AQP7: variants seen among roughly 807,000 people sequenced by gnomAD.
AQP7 encodes the protein aquaporin 7.
Under a neutral mutation model 26.1 loss-of-function variants are expected in AQP7, and 22 were observed. The observed-to-expected ratio is 0.84, with a 90% confidence interval of 0.60 to 1.20. AQP7 has a LOEUF of 1.20. AQP7 is among the 50% of genes most tolerant of loss of function. The pLI is 0.00. For missense variants in AQP7, 412 were observed against 457.5 expected, an observed-to-expected ratio of 0.90 and a Z score of 0.91; for synonymous variants, 167 against 181.7, an observed-to-expected ratio of 0.92 and a Z score of 0.65.
intron 3 of AQP7, among the ~76,000 whole-genome samples, chr9:33,389,361 G>A (rs1825169067): frequency 6.6e-6 from 1 of 152,020 alleles, no homozygotes; most frequent in South Asian, 2.1e-4. Flanking sequence ...TTTGTGTAGA[G>A]ATGAGGTTTC....
chr9:33,390,511 G>A (rs1293683016), intron 3 of AQP7, among the ~76,000 whole-genome samples: 2 of 152,094 alleles, frequency 1.3e-5, no homozygotes, highest in African/African-American at 2.4e-5. Context: ...CAGCTTTGGG[G>A]AAGTCTGAGA....
At chr9:33,398,439 G>A (rs1463557790) in intron 2 of AQP7, among the ~76,000 whole-genome samples, 3 of 152,150 alleles carry the variant, frequency 2.0e-5, no homozygotes, top group Non-Finnish European at 4.4e-5. Flanking sequence ...GAGGCAGGGT[G>A]AGCATCAGCT....
rs1181251066 is a variant in AQP7, at chr9:33,386,484, C to T, written c.326G>A (p.Trp109Ter). The T allele has an allele frequency of 1.2e-6, 2 of 1,612,380 alleles. No homozygotes were observed. Among genetic ancestry groups the T allele is most frequent in the East Asian group, 4.5e-5 (2 of 44,858 alleles). The change falls in exon 5 of 8, where the codon TGG becomes TAG. Residue 109 changes from tryptophan (W) to a stop codon, truncating the protein, a stop_gained. Transcript: ENST00000297988. LOFTEE classifies it high-confidence loss of function. ...FANCALGRVPWRKFPVYVLGQ... is the reference protein window; with the variant it reads ...FANCALGRVP ...CAGCACATAGACCGGAAACTTCCTCCAGGGCACGCGGCCCAGCGCACAGTT... is the reference window on the plus strand; with the variant it reads ...CAGCACATAGACCGGAAACTTCCTCTAGGGCACGCGGCCCAGCGCACAGTT...
chr9:33,400,226 A>G lies in AQP7; in HGVS notation c.26+1011T>C, dbSNP rs374269930. 8.5e-5 allele frequency among the ~76,000 whole-genome samples: 13 copies of G among 152,328 alleles called. No individual in the cohort carries two copies. The East Asian group carries it at 2.3e-3, about 27-fold the overall frequency. ...GTGGAGCTGACAGCAATGAAATGTA[A>G]TAAGTAAGTACATTTGTATAAGCGA... On this transcript the variant is annotated intron_variant, in intron 2 of 7. Transcript: ENST00000297988.
At chr9:33,392,809 G>C (rs1825530538) in intron 3 of AQP7, among the ~76,000 whole-genome samples, 1 of 152,212 alleles carries the variant, frequency 6.6e-6, no homozygotes, top group African/African-American at 2.4e-5. Context: ...AGAGCAGCTA[G>C]AGCACCCGTC....
chr9:33,401,362 C>G, intron 1 of AQP7, 75 bp from the exon 2 acceptor site: 1 of 1,313,070 alleles, frequency 7.6e-7, no homozygotes, highest in South Asian at 1.3e-5. Context: ...GACCTTGGTC[C>G]CCAGGGGAGA....
chr9:33,401,588 T>G (rs1483572908), intron 1 of AQP7: 1 of 429,364 alleles, frequency 2.3e-6, no homozygotes, highest in Non-Finnish European at 4.4e-6. Context: ...CAGCCTCTAC[T>G]CAGTGGCTCC....
Position 33,386,823 on chromosome 9 carries a change from A to G in AQP7, c.268+146T>C, listed in dbSNP as rs1824862381. 4 of 1,218,216 alleles carry G rather than the reference A, an allele frequency of 3.3e-6. No homozygotes were observed. The East Asian group carries it at 7.4e-5, about 23-fold the overall frequency. The allele number at this position is 1,218,216 out of a possible 1,614,324, so 75.5% of individuals were successfully genotyped here. On this transcript the variant is annotated intron_variant, in intron 4 of 7. Coordinates refer to ENST00000297988, the MANE Select transcript of AQP7 (RefSeq NM_001170.3). ...AATCTGGGGCAAACACGTCATAGGCACGGGGTTCAGAGGAGACTTCCTCCC... is the reference window on the plus strand; with the variant it reads ...AATCTGGGGCAAACACGTCATAGGCGCGGGGTTCAGAGGAGACTTCCTCCC...
intron 1 of AQP7, chr9:33,401,502 G>A (rs878919924): frequency 1.8e-6 from 1 of 567,808 alleles, no homozygotes; most frequent in African/African-American, 1.9e-5. Context: ...CAGGACCCCA[G>A]CCCCAGGCCA....
At chr9:33,397,793 T>G (rs1297768417) in intron 2 of AQP7, among the ~76,000 whole-genome samples, 1 of 151,850 alleles carries the variant, frequency 6.6e-6, no homozygotes, top group African/African-American at 2.4e-5. Flanking sequence ...GAGAGAGAAG[T>G]GGATAGAGCA....
At chr9:33,398,737 A>G (rs1309978114) in intron 2 of AQP7, among the ~76,000 whole-genome samples, 1 of 152,064 alleles carries the variant, frequency 6.6e-6, no homozygotes, top group Non-Finnish European at 1.5e-5. Flanking sequence ...GCAGCTGGTC[A>G]TGTGGTCTCA....
At chr9:33,386,813 C>T (rs78166194) in intron 4 of AQP7, among the ~76,000 whole-genome samples, 156 bp downstream of exon 4, 18 of 152,192 alleles carry the variant, frequency 1.2e-4, no homozygotes, top group Non-Finnish European at 2.2e-4. Context: ...GGGGCAAACA[C>T]GTCATAGGCA....
In AQP7 at chr9:33,392,757, G is replaced by C. The variant is rs1825524950; in HGVS notation, c.144+2321C>G. 2.6e-5 allele frequency among the ~76,000 whole-genome samples: 4 copies of C among 152,218 alleles called. No individual in the cohort carries two copies. The South Asian group carries it at 6.2e-4, about 24-fold the overall frequency. On this transcript the variant is annotated intron_variant, in intron 3 of 7. Transcript: ENST00000297988. ...CAGCTCAGGAGCCAAAGCAGGTGGG[G>C]AGGTAGGAGAGGAGCAAAGGAGGGC...
Position 33,384,199 on chromosome 9 carries a change from T to A in AQP7, c.*806A>T, listed in dbSNP as rs578014844. ...CTTCCCTGGAGCCCTTGGAGCCCTA[T>A]GAGGCCTCTTCCTGTGTCTTCATGT... On this transcript the variant is annotated 3_prime_UTR_variant, in exon 8 of 8. Coordinates refer to ENST00000297988, the MANE Select transcript of AQP7 (RefSeq NM_001170.3). 2.6e-4 allele frequency: 39 copies of A among 152,344 alleles called. No individual in the cohort carries two copies. The highest frequency in any genetic ancestry group is 9.4e-4 in the African/African-American group (39 of 41,562). The allele number at this position is 152,344 out of a possible 1,614,324, so 9.4% of individuals were successfully genotyped here.
chr9:33,393,515 T>G (rs2118833191), intron 3 of AQP7, among the ~76,000 whole-genome samples: 1 of 152,262 alleles, frequency 6.6e-6, no homozygotes, highest in Admixed American at 6.5e-5. Context: ...CCCACCTTCC[T>G]CTAGCATGCA....
chr9:33,387,183 T>G (rs1246740009), intron 3 of AQP7, 91 bp from the exon 4 acceptor site: 1 of 1,414,368 alleles, frequency 7.1e-7, no homozygotes, highest in African/African-American at 1.4e-5. Flanking sequence ...CTCACCCCCA[T>G]GCCCTGGGCC....
In AQP7 at chr9:33,399,747, G is replaced by A. The variant is rs1826112838; in HGVS notation, c.26+1490C>T. Among the ~76,000 whole-genome samples, 4 of 152,262 alleles carry A rather than the reference G, an allele frequency of 2.6e-5. No individual in the cohort carries two copies. In the South Asian group the frequency reaches 8.3e-4, roughly 32 times the overall value. On this transcript the variant is annotated intron_variant, in intron 2 of 7. Coordinates refer to ENST00000297988, the MANE Select transcript of AQP7 (RefSeq NM_001170.3). ...ACAACACCAGAGAGAAGCAGCCTGG[G>A]ACTGGGGGAGCTCAGGGAAGGCATG...
intron 2 of AQP7, chr9:33,395,546 G>A: frequency 3.6e-6 from 1 of 278,928 alleles, no homozygotes; most frequent in Non-Finnish European, 6.9e-6. Flanking sequence ...AGAGCAGGCT[G>A]GAAAGTGGAG....
Position 33,384,907 on chromosome 9 carries a change from G to A in AQP7, c.*98C>T, listed in dbSNP as rs1456701867. On this transcript the variant is annotated 3_prime_UTR_variant, in exon 8 of 8. Coordinates refer to ENST00000297988, the MANE Select transcript of AQP7 (RefSeq NM_001170.3). ...TGGAGCTCCTGTAAGAACCCAGGAG[G>A]GAAGCCCAACCACAGGAGGCCCCCA... 8.5e-6 allele frequency: 12 copies of A among 1,407,516 alleles called. 1 individual carries two copies. In the South Asian group the frequency reaches 9.4e-5, roughly 11 times the overall value. 87.2% of individuals were successfully genotyped at this position (1,407,516 alleles called of 1,614,324 possible). A position where few individuals can be genotyped will look rare whatever the true frequency, so the allele number is the denominator to read the frequency against.
Sources: allele counts gnomAD v4.1 joint callset (sites outside exome capture counted in the v4.1 genomes callset), GRCh38; gene constraint gnomAD v4.1.1; transcripts MANE v1.5; gene names NCBI Gene and HGNC (gene_info 2026-07-23, HGNC 2026-07-21).